CCDC170: variants seen among roughly 807,000 people sequenced by gnomAD.
CCDC170 encodes the protein coiled-coil domain containing 170.
In CCDC170, 69 loss-of-function variants were observed where a neutral mutation model predicts 72.6. The observed-to-expected ratio is 0.95, with a 90% CI of 0.78 to 1.16. The LOEUF (loss-of-function observed/expected upper bound fraction) is 1.16, where lower values mean the gene tolerates loss of function less well. CCDC170 is among the 50% of genes most tolerant of loss of function. CCDC170 has a pLI of 0.00. For synonymous variants in CCDC170, 300 were observed against 303.9 expected (o/e 0.99, Z 0.13); for missense variants, 852 against 832.5 (o/e 1.02, Z -0.29).
intron 9 of CCDC170, among the ~76,000 whole-genome samples, chr6:151,600,129 C>A (rs559834974): frequency 1.3e-5 from 2 of 152,258 alleles, no homozygotes; most frequent in South Asian, 2.1e-4. Flanking sequence ...CAACTTCATG[C>A]ATTTATGAGA....
chr6:151,538,749 A>G (rs1219173067), intron 3 of CCDC170, among the ~76,000 whole-genome samples: 1 of 152,206 alleles, frequency 6.6e-6, no homozygotes, highest in Non-Finnish European at 1.5e-5. Context: ...CATGAAACCT[A>G]GGTTTTCCAC....
chr6:151,568,523 A>G (rs750435907), intron 5 of CCDC170, among the ~76,000 whole-genome samples: 1 of 152,226 alleles, frequency 6.6e-6, no homozygotes, highest in African/African-American at 2.4e-5. Flanking sequence ...CGGTGTTTTC[A>G]TAGTTGCCAC....
chr6:151,522,593 G>A (rs1782338934), intron 1 of CCDC170, among the ~76,000 whole-genome samples: 1 of 152,120 alleles, frequency 6.6e-6, no homozygotes, highest in Admixed American at 6.5e-5. Flanking sequence ...CTAGCCAATA[G>A]GAGAACAACA....
At chr6:151,543,166 G>A (rs1283044394) in intron 3 of CCDC170, among the ~76,000 whole-genome samples, 1 of 152,002 alleles carries the variant, frequency 6.6e-6, no homozygotes, top group Non-Finnish European at 1.5e-5. Context: ...CAATCTCTTA[G>A]TTGCTAACAT....
chr6:151,615,825 G>A, intron 10 of CCDC170, 146 bp downstream of exon 10: 2 of 660,330 alleles, frequency 3.0e-6, no homozygotes, highest in Non-Finnish European at 5.2e-6. Flanking sequence ...CGAGGGCCGT[G>A]CTAATTTTCT....
At chr6:151,545,623 T>G (rs1300089882) in intron 4 of CCDC170, among the ~76,000 whole-genome samples, 3 of 152,056 alleles carry the variant, frequency 2.0e-5, no homozygotes, top group Admixed American at 6.6e-5. Flanking sequence ...TGTTGTTGTT[T>G]TTTTTTTTTG....
intron 1 of CCDC170, among the ~76,000 whole-genome samples, chr6:151,510,049 GGAGGTGGAGGTTGCGGT>G (rs1190675554): frequency 6.6e-6 from 1 of 152,196 alleles, no homozygotes; most frequent in Non-Finnish European, 1.5e-5. Context: ...CTTGAACCTG[GGAGGTGGAGGTTGCGGT>G]GAGAAAAGAT....
At chr6:151,567,742 G>C (rs1404777531) in intron 5 of CCDC170, among the ~76,000 whole-genome samples, 2 of 152,100 alleles carry the variant, frequency 1.3e-5, no homozygotes, top group South Asian at 2.1e-4. Context: ...GTGTACAACA[G>C]ATAGCAACTC....
intron 5 of CCDC170, among the ~76,000 whole-genome samples, chr6:151,567,804 A>G (rs1776159230): frequency 6.6e-6 from 1 of 152,078 alleles, no homozygotes; most frequent in Non-Finnish European, 1.5e-5. Context: ...ATAGGTACAT[A>G]CTTCATTCAA....
In CCDC170 at chr6:151,538,205, C is replaced by T. The variant is rs772828092; in HGVS notation, c.347C>T (p.Ser116Phe). 1 of 1,613,766 alleles carries T rather than the reference C, an allele frequency of 6.2e-7. No homozygotes were observed. The highest frequency in any genetic ancestry group is 8.5e-7 in the Non-Finnish European group (1 of 1,179,826). The change falls in exon 3 of 11, where the codon TCC becomes TTC. Residue 116 changes from serine (S) to phenylalanine (F), a missense_variant. Ser to Phe is a radical substitution (Grantham distance 155). Coordinates refer to ENST00000239374, the MANE Select transcript of CCDC170 (RefSeq NM_025059.4). ...QELEEESAALSTSKIRTEITA... is the reference protein window; with the variant it reads ...QELEEESAALFTSKIRTEITA... ...CTAGAAGAAGAATCAGCAGCACTTTCCACTTCTAAAATCAGAACAGAAATC... is the reference window on the plus strand; with the variant it reads ...CTAGAAGAAGAATCAGCAGCACTTTTCACTTCTAAAATCAGAACAGAAATC...
chr6:151,558,359 C>G (rs77673929), intron 5 of CCDC170, among the ~76,000 whole-genome samples: 1 of 150,952 alleles, frequency 6.6e-6, no homozygotes, highest in Non-Finnish European at 1.5e-5. Flanking sequence ...GTTTCTTCAC[C>G]CTGTTGATTG....
At chr6:151,495,800 A>G (rs916091508) in intron 1 of CCDC170, among the ~76,000 whole-genome samples, 11 of 152,174 alleles carry the variant, frequency 7.2e-5, no homozygotes, top group African/African-American at 2.7e-4. Flanking sequence ...CTGGTCCCCT[A>G]TGACCTTTCA....
At position 151,615,497 on chromosome 6, in the gene CCDC170, C is replaced by T. The variant is rs1308465953; in HGVS notation, c.1765C>T (p.Gln589Ter). 6.2e-7 allele frequency: 1 copy of T among 1,613,966 alleles called. No homozygotes were observed. The change falls in exon 10 of 11, where the codon CAA becomes TAA. Residue 589 changes from glutamine (Q) to a stop codon, truncating the protein, a stop_gained. Transcript: ENST00000239374. LOFTEE classifies it high-confidence loss of function. ...AIEDLNKSRD[Q>*]LEKMKEKAEK... The stretch of plus-strand genomic sequence containing the variant: ...TGAAGATCTAAACAAATCCAGAGAC[C>T]AACTGGAGAAGATGAAGGAGAAAGC...
In CCDC170 at chr6:151,510,064, G is replaced by A. The variant is rs548929288; in HGVS notation, c.57+15879G>A. Among the ~76,000 whole-genome samples, 7 of 152,248 alleles carry A rather than the reference G, an allele frequency of 4.6e-5. 1 individual carries two copies. Among genetic ancestry groups the A allele is most frequent in the African/African-American group, 1.2e-4 (5 of 41,552 alleles). On this transcript the variant is annotated intron_variant, in intron 1 of 10. Coordinates refer to ENST00000239374, the MANE Select transcript of CCDC170 (RefSeq NM_025059.4). ...CTTGAACCTGGGAGGTGGAGGTTGC[G>A]GTGAGAAAAGATTGCACCACAGCCT...
rs1435198672 is a variant in CCDC170, at chr6:151,620,917, A to G, written c.*2770A>G. 6.6e-6 allele frequency: 1 copy of G among 152,220 alleles called. No individual in the cohort carries two copies. The highest frequency in any genetic ancestry group is 1.5e-5 in the Non-Finnish European group (1 of 68,042). The allele number at this position is 152,220 out of a possible 1,614,324, so 9.4% of individuals were successfully genotyped here. A position where few individuals can be genotyped will look rare whatever the true frequency, so the allele number is the denominator to read the frequency against. On this transcript the variant is annotated 3_prime_UTR_variant, in exon 11 of 11. Transcript: ENST00000239374. Reference sequence around the variant, plus strand: ...TAATTTCTGTTTATTACATGAAATTACATTCCATTTATCCAAATATATGTT... The same window carrying G: ...TAATTTCTGTTTATTACATGAAATTGCATTCCATTTATCCAAATATATGTT...
Position 151,494,551 on chromosome 6 carries a change from T to A in CCDC170, c.57+366T>A, listed in dbSNP as rs189902851. ...CTACTGAAGTGTGCTTCGGAGCAAT[T>A]TCTGGAAAATCTGATGTGGCAGGAG... is the stretch of plus-strand genomic sequence containing the variant. On this transcript the variant is annotated intron_variant, in intron 1 of 10. Transcript: ENST00000239374. Among the ~76,000 whole-genome samples, 38 of 152,332 alleles carry A rather than the reference T, an allele frequency of 2.5e-4. No homozygotes were observed. The East Asian group carries it at 6.6e-3, about 26-fold the overall frequency.
chr6:151,540,223 C>G (rs529765520), intron 3 of CCDC170, among the ~76,000 whole-genome samples: 2 of 151,970 alleles, frequency 1.3e-5, no homozygotes, highest in South Asian at 4.2e-4. Flanking sequence ...CTATTCAGTT[C>G]CTGGTGAGGG....
intron 6 of CCDC170, among the ~76,000 whole-genome samples, chr6:151,577,740 G>A (rs567258248): frequency 1.3e-5 from 2 of 152,324 alleles, no homozygotes; most frequent in East Asian, 1.9e-4. Context: ...AGCGGTGGGC[G>A]AGCGAGCATT....
At chr6:151,607,675 C>T (rs1238325671) in intron 9 of CCDC170, among the ~76,000 whole-genome samples, 1 of 151,944 alleles carries the variant, frequency 6.6e-6, no homozygotes, top group Non-Finnish European at 1.5e-5. Context: ...TCTCTCCTAA[C>T]CTGTAAGGTT....
Sources: allele counts gnomAD v4.1 joint callset (sites outside exome capture counted in the v4.1 genomes callset), GRCh38; gene constraint gnomAD v4.1.1; transcripts MANE v1.5; gene names NCBI Gene and HGNC (gene_info 2026-07-23, HGNC 2026-07-21).